Variants in COL6A3 observed in about 807,000 individuals in gnomAD.
COL6A3 encodes the protein collagen type VI alpha 3 chain, also known as collagen alpha-3(VI) chain.
A neutral mutation model predicts 274.1 loss-of-function variants in COL6A3; 137 were observed. The observed-to-expected ratio is 0.50, with a 90% CI of 0.44 to 0.58. The LOEUF (loss-of-function observed/expected upper bound fraction) is 0.58. Among genes scored for constraint, COL6A3 ranks in the 20% least tolerant of loss-of-function variants. COL6A3 has a pLI of 0.00. For missense variants in COL6A3, 3,950 were observed against 4,124.9 expected (o/e 0.96, Z 1.16); for synonymous variants, 1,650 against 1,650.6 (o/e 1.00, Z 0.01).
At chr2:237,404,501 G>A (rs1454890999) in intron 1 of COL6A3, among the ~76,000 whole-genome samples, 1 of 152,148 alleles carries the variant, frequency 6.6e-6, no homozygotes, top group East Asian at 1.9e-4. Context: ...GAGTATTATA[G>A]AGGCTCTTTG....
rs151314283 is a variant in COL6A3 at position 237,361,921 on chromosome 2, T to C, written c.6064-90A>G. 9.9e-5 allele frequency: 112 copies of C among 1,133,378 alleles called. No individual in the cohort carries two copies. The African/African-American group carries it at 1.4e-3, about 14-fold the overall frequency. The allele number at this position is 1,133,378 out of a possible 1,614,324, so 70.2% of individuals were successfully genotyped here. A position where few individuals can be genotyped will look rare whatever the true frequency, so the allele number is the denominator to read the frequency against. ...GCGCTTTAAGGGTCAAAATCGGATGTGTGGGGGTTTCACGGTGTGAGATGA... is the reference window on the plus strand; with the variant it reads ...GCGCTTTAAGGGTCAAAATCGGATGCGTGGGGGTTTCACGGTGTGAGATGA... On this transcript the variant is annotated intron_variant, in intron 14 of 43. Transcript: ENST00000295550. The surrounding 1 kb of genome is among the most constrained non-coding windows in gnomAD (Gnocchi z 5.1).
chr2:237,410,244 C>T (rs1173815128), intron 1 of COL6A3, among the ~76,000 whole-genome samples: 2 of 151,774 alleles, frequency 1.3e-5, no homozygotes, highest in Non-Finnish European at 1.5e-5. Context: ...GAAAGAAAAC[C>T]AAACTGCCTT....
At chr2:237,372,534 A>G (rs1425154103) in intron 8 of COL6A3, among the ~76,000 whole-genome samples, 197 bp from the exon 9 acceptor site, 1 of 151,948 alleles carries the variant, frequency 6.6e-6, no homozygotes, top group African/African-American at 2.4e-5. Context: ...AGGATGAAAA[A>G]CCCGACGGAG....
rs73998894 is a variant in COL6A3 at position 237,371,834 on chromosome 2, G to A, written c.4183C>T (p.Arg1395Trp). ...PEYVFSVSTF[R>W]ELPSLEQKLL... ...TTCTGCTCCAGGCTGGGCAGCTCCC[G>A]GAAGGTGCTCACCGAGAACACATAT... The change falls in exon 9 of 44, where the codon CGG (arginine) becomes TGG (tryptophan). Residue 1395 changes from arginine (R) to tryptophan (W), a missense_variant. Physicochemically the swap from Arg to Trp is moderately radical, Grantham distance 101. Coordinates refer to ENST00000295550, the MANE Select transcript of COL6A3 (RefSeq NM_004369.4). The surrounding 1 kb of genome is among the most constrained non-coding windows in gnomAD (Gnocchi z 4.3). 1,642 of 1,613,448 alleles carry A rather than the reference G, an allele frequency of 1.0e-3. 15 individuals carry two copies. The African/African-American group carries it at 0.02, about 19-fold the overall frequency.
chr2:237,351,090 T>C, intron 27 of COL6A3, 40 bp downstream of exon 27: 1 of 1,601,394 alleles, frequency 6.2e-7, no homozygotes, highest in South Asian at 1.1e-5. Context: ...GCCTGGCTGG[T>C]CCCTGTCCTC....
chr2:237,370,198 C>T (rs796264008), intron 9 of COL6A3, among the ~76,000 whole-genome samples: 20 of 150,414 alleles, frequency 1.3e-4, no homozygotes, highest in Admixed American at 6.6e-4. Flanking sequence ...TTTACATTAG[C>T]GCATTTTTAA....
At chr2:237,396,610 A>G (rs1334213588) in intron 2 of COL6A3, 117 bp downstream of exon 2, 1 of 1,020,754 alleles carries the variant, frequency 9.8e-7, no homozygotes, top group Non-Finnish European at 1.6e-6. Context: ...TCCTATAATA[A>G]ATGGCTTAGC....
rs1335097058 is a variant in COL6A3 at position 237,374,372 on chromosome 2, C to A, written c.3679+40G>T. ...CACAGTCCAGACAAGTAGCCCCAGA[C>A]AATGACACTGAGTGAGGATGCAAAG... On this transcript the variant is annotated intron_variant, in intron 8 of 43. Transcript: ENST00000295550. The surrounding 1 kb of genome is among the most constrained non-coding windows in gnomAD (Gnocchi z 4.8). The A allele has an allele frequency of 6.2e-7, 1 of 1,606,016 alleles. No individual in the cohort carries two copies. The highest frequency in any genetic ancestry group is 1.7e-5 in the Admixed American group (1 of 60,022).
intron 23 of COL6A3, among the ~76,000 whole-genome samples, chr2:237,356,281 T>A (rs1362566159): frequency 6.6e-6 from 1 of 152,186 alleles, no homozygotes; most frequent in Non-Finnish European, 1.5e-5. Flanking sequence ...TTTCATTATA[T>A]AGCTTCTTTT....
chr2:237,382,976 T>A (rs1426443915), intron 4 of COL6A3, among the ~76,000 whole-genome samples: 1 of 152,092 alleles, frequency 6.6e-6, no homozygotes. Flanking sequence ...TTTTGTTTTG[T>A]TTGGTAGAGA....
At chr2:237,354,406 C>T (rs2077272759) in intron 24 of COL6A3, among the ~76,000 whole-genome samples, 1 of 151,974 alleles carries the variant, frequency 6.6e-6, no homozygotes, top group Admixed American at 6.6e-5. Context: ...AACTGAAAGT[C>T]ATCCCTCTGC....
rs753330578 is a variant in COL6A3 at position 237,365,796 on chromosome 2, A to G, written c.5740T>C (p.Phe1914Leu). ...GGGTGCTGGCTGCGCATGTTCCGGAACTTCTCGAGCATCTCTGGCTGGTAC... is the reference window on the plus strand; with the variant it reads ...GGGTGCTGGCTGCGCATGTTCCGGAGCTTCTCGAGCATCTCTGGCTGGTAC... ...DEYQPEMLEK[F>L]RNMRSQHPYV... The change falls in exon 12 of 44, where the codon TTC (phenylalanine) becomes CTC (leucine). Residue 1914 changes from phenylalanine (F) to leucine (L), a missense_variant. This residue lies in a region of COL6A3 where 632 missense variants were observed against 623.4 expected (regional missense o/e 1.01). Transcript: ENST00000295550. 6.2e-7 allele frequency: 1 copy of G among 1,613,990 alleles called. No homozygotes were observed. Among genetic ancestry groups the G allele is most frequent in the Non-Finnish European group, 8.5e-7 (1 of 1,179,990 alleles).
chr2:237,392,786 T>C (rs1173918308), intron 3 of COL6A3, among the ~76,000 whole-genome samples: 1 of 152,234 alleles, frequency 6.6e-6, no homozygotes, highest in Admixed American at 6.5e-5. Flanking sequence ...TCTCCAGACT[T>C]TAAGGTCTGT....
At position 237,324,711 on chromosome 2, in the gene COL6A3, A is replaced by G. The variant is rs983186196; in HGVS notation, c.*63T>C. 247 of 1,518,894 alleles carry G rather than the reference A, an allele frequency of 1.6e-4. No homozygotes were observed. Among genetic ancestry groups the G allele is most frequent in the Admixed American group, 9.5e-4 (57 of 59,762 alleles). 94.1% of individuals were successfully genotyped at this position (1,518,894 alleles called of 1,614,324 possible). ...GAATCTACACCCGGAGCTTCTACAG[A>G]GACAAGTTGGCGATGGCTGACTCCT... On this transcript the variant is annotated 3_prime_UTR_variant, in exon 44 of 44. Transcript: ENST00000295550.
intron 11 of COL6A3, 130 bp downstream of exon 11, chr2:237,366,557 T>C (rs2077557162): frequency 1.5e-6 from 2 of 1,358,590 alleles, no homozygotes; most frequent in African/African-American, 1.4e-5. Flanking sequence ...CCAGTCCCAG[T>C]GGGTATAAGT....
At position 237,395,218 on chromosome 2, in the gene COL6A3, CAT is replaced by C; in HGVS notation, c.92-16_92-15del. On this transcript the variant is annotated splice_polypyrimidine_tract_variant and intron_variant, in intron 2 of 43. Coordinates refer to ENST00000295550, the MANE Select transcript of COL6A3 (RefSeq NM_004369.4). ...CATTTTTGACATCTTTAAAAAAAGA[CAT>C]TGGTTTAGATTTTTCTACTATGTAA... is the stretch of plus-strand genomic sequence containing the variant. The C allele has an allele frequency of 6.2e-7, 1 of 1,612,566 alleles. No homozygotes were observed. Among genetic ancestry groups the C allele is most frequent in the Non-Finnish European group, 8.5e-7 (1 of 1,179,750 alleles).
chr2:237,402,619 C>A (rs2078620270), intron 1 of COL6A3, among the ~76,000 whole-genome samples: 1 of 152,158 alleles, frequency 6.6e-6, no homozygotes, highest in African/African-American at 2.4e-5. Flanking sequence ...TTTGCCCTTA[C>A]TTCTAAATAA....
intron 30 of COL6A3, 81 bp from the exon 31 acceptor site, chr2:237,347,950 G>T: frequency 7.6e-7 from 1 of 1,311,662 alleles, no homozygotes; most frequent in South Asian, 1.3e-5. Flanking sequence ...AGACATCCAG[G>T]AGACGTGTGG....
chr2:237,324,653 G>T lies in COL6A3; in HGVS notation c.*121C>A. ...AGGATGTTCCCTCCCGAGTTCGAGT[G>T]TAAATCAAAGCATGAAATGATACAG... On this transcript the variant is annotated 3_prime_UTR_variant, in exon 44 of 44. Transcript: ENST00000295550. The T allele has an allele frequency of 1.1e-6, 1 of 915,698 alleles. No homozygotes were observed. The highest frequency in any genetic ancestry group is 1.8e-6 in the Non-Finnish European group (1 of 566,766). 56.7% of individuals were successfully genotyped at this position (915,698 alleles called of 1,614,324 possible).
Sources: allele counts gnomAD v4.1 joint callset (sites outside exome capture counted in the v4.1 genomes callset), GRCh38; gene constraint gnomAD v4.1.1; regional missense constraint gnomAD v4.1.1; non-coding constraint Gnocchi (gnomAD v3.1); transcripts MANE v1.5; gene names NCBI Gene and HGNC (gene_info 2026-07-23, HGNC 2026-07-21).